Variants in PDE8B observed in about 807,000 individuals in gnomAD.
PDE8B encodes phosphodiesterase 8B.
In PDE8B, 26 loss-of-function variants were observed where a neutral mutation model predicts 101.3. The ratio of observed to expected loss-of-function variants is 0.26; its 90% CI spans 0.19 to 0.36. The LOEUF is 0.36. PDE8B is among the 10% of genes least tolerant of loss of function. PDE8B has a pLI of 1.00. For missense variants in PDE8B, 810 were observed against 1,163.1 expected, an observed-to-expected ratio of 0.70 and a Z score of 4.42; for synonymous variants, 424 against 429.3, an observed-to-expected ratio of 0.99 and a Z score of 0.15.
the PDE8B span, among the ~76,000 whole-genome samples, chr5:77,202,854 G>A: frequency 2.0e-5 from 3 of 152,270 alleles, no homozygotes; most frequent in East Asian, 5.8e-4. Flanking sequence ...CCCACCTTGG[G>A]CTTCCAAAGT....
chr5:77,408,144 T>G (rs1369787443), intron 13 of PDE8B, among the ~76,000 whole-genome samples: 1 of 151,710 alleles, frequency 6.6e-6, no homozygotes, highest in African/African-American at 2.4e-5. Flanking sequence ...GCTGTGGAGG[T>G]GGAGAGAAAT....
chr5:77,275,520 G>A (rs1161767236), intron 1 of PDE8B, among the ~76,000 whole-genome samples: 2 of 152,230 alleles, frequency 1.3e-5, no homozygotes, highest in Non-Finnish European at 2.9e-5. Flanking sequence ...TATCAGCAAA[G>A]TGTAGACAAG....
chr5:77,331,548 A>T (rs927734556), intron 5 of PDE8B, 89 bp downstream of exon 5: 3 of 1,024,126 alleles, frequency 2.9e-6, no homozygotes, highest in Non-Finnish European at 4.6e-6. Flanking sequence ...TGCCACGGAG[A>T]ACTGTTAAGG....
chr5:77,425,687 G>A (rs1797923092), intron 20 of PDE8B, 80 bp from the exon 21 acceptor site: 6 of 1,434,568 alleles, frequency 4.2e-6, no homozygotes, highest in Non-Finnish European at 4.9e-6. Flanking sequence ...CATTTTCACA[G>A]GGTTGTTCTG....
intron 1 of PDE8B, among the ~76,000 whole-genome samples, chr5:77,275,898 A>G (rs1271537918): frequency 6.6e-6 from 1 of 152,252 alleles, no homozygotes; most frequent in Non-Finnish European, 1.5e-5. Flanking sequence ...AGGGTACTTA[A>G]AGATGATATG....
At chr5:77,135,473 A>ATTTTTTT in the PDE8B span, among the ~76,000 whole-genome samples, 4 of 121,534 alleles carry the variant, frequency 3.3e-5, no homozygotes, top group African/African-American at 6.5e-5. Context: ...AGCCAGAGGA[A>ATTTTTTT]TTTTTTTTTT....
rs772985826 is a variant in PDE8B at position 77,309,941 on chromosome 5, A to ACCTTTTTTTTT, written c.340-2053_340-2052insCCTTTTTTTTT. Among the ~76,000 whole-genome samples, 77 of 83,104 alleles carry ACCTTTTTTTTT rather than the reference A, an allele frequency of 9.3e-4. 5 individuals are homozygous for ACCTTTTTTTTT. Among genetic ancestry groups the ACCTTTTTTTTT allele is most frequent in the East Asian group, 9.1e-4 (2 of 2,188 alleles). The allele number at this position is 83,104 out of a possible 152,430, so 54.5% of individuals were successfully genotyped here. Reference sequence around the variant, plus strand: ...AACTGGTTTCCCTTTTTAATCATTAATCTTTTTTTTTTTTTTTTTTTTTTT... The same window carrying ACCTTTTTTTTT: ...AACTGGTTTCCCTTTTTAATCATTAACCTTTTTTTTTTCTTTTTTTTTTTTTTTTTTTTTTT... On this transcript the variant is annotated intron_variant, in intron 1 of 21. Transcript: ENST00000264917.
chr5:77,382,025 A>G (rs1787577634), intron 10 of PDE8B, among the ~76,000 whole-genome samples: 1 of 152,052 alleles, frequency 6.6e-6, no homozygotes, highest in Non-Finnish European at 1.5e-5. Context: ...GTTTATTTTC[A>G]TAGGTTTTGA....
chr5:77,122,189 G>A, the PDE8B span, among the ~76,000 whole-genome samples: 16 of 152,162 alleles, frequency 1.1e-4, no homozygotes, highest in African/African-American at 3.4e-4. Context: ...AGTTGACCTT[G>A]TAAAGTCATG....
At chr5:77,407,573 A>G (rs920351444) in intron 13 of PDE8B, 116 bp downstream of exon 13, 63 of 775,530 alleles carry the variant, frequency 8.1e-5, no homozygotes, top group Admixed American at 6.4e-4. Context: ...AGCAAATAAC[A>G]GGCAAATAAA....
intron 1 of PDE8B, among the ~76,000 whole-genome samples, chr5:77,247,051 A>G (rs1366605678): frequency 2.6e-5 from 4 of 152,248 alleles, no homozygotes; most frequent in South Asian, 4.1e-4. Flanking sequence ...TTTAATATAA[A>G]TGTAGCACAC....
At chr5:77,391,385 C>T (rs1319572523) in intron 10 of PDE8B, among the ~76,000 whole-genome samples, 1 of 152,118 alleles carries the variant, frequency 6.6e-6, no homozygotes, top group African/African-American at 2.4e-5. Flanking sequence ...GCTGCTGCAG[C>T]CAGGAAGAGT....
intron 1 of PDE8B, among the ~76,000 whole-genome samples, chr5:77,258,013 G>T (rs1201173867): frequency 3.3e-5 from 5 of 152,132 alleles, no homozygotes; most frequent in African/African-American, 1.2e-4. Context: ...GAGCAGCCGG[G>T]TGCAGTGGCT....
At chr5:77,236,166 C>T (rs1334210291) in intron 1 of PDE8B, among the ~76,000 whole-genome samples, 1 of 152,136 alleles carries the variant, frequency 6.6e-6, no homozygotes, top group East Asian at 1.9e-4. Flanking sequence ...AGTGGGAGGT[C>T]CCGAGTCAGG....
chr5:77,412,675 A>T (rs536054072), intron 16 of PDE8B, among the ~76,000 whole-genome samples: 2 of 152,186 alleles, frequency 1.3e-5, no homozygotes, highest in African/African-American at 4.8e-5. Flanking sequence ...GATATGAAAG[A>T]TTCTCACCTG....
At chr5:77,147,738 A>G in the PDE8B span, 2 of 152,350 alleles carry the variant, frequency 1.3e-5, no homozygotes, top group African/African-American at 4.8e-5. Context: ...GCAGCCTCCA[A>G]CTGACGGCAA....
At chr5:77,213,464 G>A (rs1302912343) in intron 1 of PDE8B, among the ~76,000 whole-genome samples, 5 of 152,124 alleles carry the variant, frequency 3.3e-5, no homozygotes, top group Admixed American at 2.6e-4. Context: ...CCTGTGACTC[G>A]GTGTTGTATT....
chr5:77,104,919 C>T, the PDE8B span: 2 of 152,170 alleles, frequency 1.3e-5, no homozygotes, highest in African/African-American at 4.8e-5. Context: ...AGAATGTTTT[C>T]ATAACCCTCA....
At chr5:77,267,613 A>G (rs1762001955) in intron 1 of PDE8B, among the ~76,000 whole-genome samples, 1 of 152,178 alleles carries the variant, frequency 6.6e-6, no homozygotes, top group Non-Finnish European at 1.5e-5. Context: ...CTGAAGCTCC[A>G]GCGTGCTGCC....
Sources: gnomAD v4.1 joint callset for allele counts (sites outside exome capture counted in the v4.1 genomes callset) on GRCh38, gnomAD v4.1.1 for gene constraint, MANE v1.5 for transcripts, NCBI Gene and HGNC (gene_info 2026-07-23, HGNC 2026-07-21) for gene names.